DAGLB: variants seen among roughly 807,000 people sequenced by gnomAD.
DAGLB encodes the protein diacylglycerol lipase beta.
In DAGLB, 66 loss-of-function variants were observed where a neutral mutation model predicts 72.1. That is an observed-to-expected ratio of 0.92 (90% CI 0.75 to 1.12). DAGLB has a LOEUF of 1.12. DAGLB is among the 50% of genes most tolerant of loss of function. The pLI is 0.00. For synonymous variants in DAGLB, 414 were observed against 359.5 expected (o/e 1.15, Z -1.71); for missense variants, 1,065 against 884.9 (o/e 1.20, Z -2.58).
chr7:6,443,295 A>G (rs1198346886), intron 2 of DAGLB, among the ~76,000 whole-genome samples: 1 of 150,922 alleles, frequency 6.6e-6, no homozygotes, highest in Non-Finnish European at 1.5e-5. Context: ...TACTAAAAAT[A>G]CAAAAAAATT....
At chr7:6,438,079 C>T (rs1266871569) in intron 2 of DAGLB, among the ~76,000 whole-genome samples, 1 of 152,138 alleles carries the variant, frequency 6.6e-6, no homozygotes, top group Non-Finnish European at 1.5e-5. Context: ...TGGAAACCAT[C>T]ATTCTGAGCA....
At chr7:6,436,255 C>A in intron 3 of DAGLB, 107 bp downstream of exon 3, 1 of 1,384,824 alleles carries the variant, frequency 7.2e-7, no homozygotes, top group African/African-American at 1.4e-5. Flanking sequence ...CAATTTCTAA[C>A]TATTTGAGGA....
chr7:6,420,642 G>C (rs73676738), intron 9 of DAGLB, among the ~76,000 whole-genome samples: 1 of 152,074 alleles, frequency 6.6e-6, no homozygotes, highest in Non-Finnish European at 1.5e-5. Context: ...ACGGGTTCAC[G>C]GCACTGTGAA....
chr7:6,415,941 G>A (rs1054644459), intron 11 of DAGLB, among the ~76,000 whole-genome samples: 13 of 152,158 alleles, frequency 8.5e-5, no homozygotes, highest in African/African-American at 2.9e-4. Context: ...CCCCCCGAGA[G>A]GGCGGAGGGA....
chr7:6,412,230 T>C (rs1783752626), intron 13 of DAGLB, among the ~76,000 whole-genome samples: 2 of 152,180 alleles, frequency 1.3e-5, no homozygotes, highest in African/African-American at 4.8e-5. Flanking sequence ...CATAAATTTC[T>C]ACCACCATGT....
chr7:6,431,719 C>G (rs886881053), intron 5 of DAGLB, among the ~76,000 whole-genome samples: 1 of 152,048 alleles, frequency 6.6e-6, no homozygotes, highest in Non-Finnish European at 1.5e-5. Context: ...GTGCAGTGAG[C>G]CAAGATCATG....
Position 6,430,466 on chromosome 7 carries a change from C to T in DAGLB, c.929+14G>A. 2 of 1,501,698 alleles carry T rather than the reference C, an allele frequency of 1.3e-6. No individual in the cohort carries two copies. The highest frequency in any genetic ancestry group is 1.8e-6 in the Non-Finnish European group (2 of 1,116,456). The allele number at this position is 1,501,698 out of a possible 1,614,324, so 93.0% of individuals were successfully genotyped here. A position where few individuals can be genotyped will look rare whatever the true frequency, so the allele number is the denominator to read the frequency against. On this transcript the variant is annotated intron_variant, in intron 6 of 14. Coordinates refer to ENST00000297056, the MANE Select transcript of DAGLB (RefSeq NM_139179.4). ...GGAAATATGGCTATGGAGGCTCAGA[C>T]TGTGCCAACCCACCAGTCACCACCA...
intron 2 of DAGLB, among the ~76,000 whole-genome samples, chr7:6,443,792 G>A (rs1784910859): frequency 6.6e-6 from 1 of 152,106 alleles, no homozygotes; most frequent in Non-Finnish European, 1.5e-5. Context: ...ATGGTGGCAT[G>A]TCACACAGCC....
rs538484203 is a variant in DAGLB, at chr7:6,416,308, C to A, written c.1427+319G>T. 38 of 208,552 alleles carry A rather than the reference C, an allele frequency of 1.8e-4. No individual in the cohort carries two copies. The South Asian group carries it at 4.7e-3, about 26-fold the overall frequency. 12.9% of individuals were successfully genotyped at this position (208,552 alleles called of 1,614,324 possible). Reference sequence around the variant, plus strand: ...CCTGTAATCCCTGCACTTTGGGAGGCCGAGGCGGGCAGATCACTTGAGGTC... The same window carrying A: ...CCTGTAATCCCTGCACTTTGGGAGGACGAGGCGGGCAGATCACTTGAGGTC... On this transcript the variant is annotated intron_variant, in intron 11 of 14. Coordinates refer to ENST00000297056, the MANE Select transcript of DAGLB (RefSeq NM_139179.4).
At chr7:6,440,398 A>G (rs544444369) in intron 2 of DAGLB, among the ~76,000 whole-genome samples, 1 of 152,264 alleles carries the variant, frequency 6.6e-6, no homozygotes, top group East Asian at 1.9e-4. Context: ...AAAAAAAAAA[A>G]AAAGTTTTCC....
At chr7:6,425,320 G>A (rs768971137) in intron 7 of DAGLB, among the ~76,000 whole-genome samples, 6 of 152,078 alleles carry the variant, frequency 3.9e-5, no homozygotes, top group Non-Finnish European at 7.4e-5. Context: ...CACCTAGGCT[G>A]GAGTGCAATG....
At chr7:6,420,014 G>A (rs1784059541) in intron 9 of DAGLB, among the ~76,000 whole-genome samples, 1 of 152,220 alleles carries the variant, frequency 6.6e-6, no homozygotes, top group African/African-American at 2.4e-5. Flanking sequence ...AGGCATGGTG[G>A]CACACGCCTG....
At chr7:6,437,122 C>G (rs911632407) in intron 2 of DAGLB, among the ~76,000 whole-genome samples, 12 of 147,772 alleles carry the variant, frequency 8.1e-5, no homozygotes, top group Admixed American at 7.0e-4. Flanking sequence ...CCACTGCACT[C>G]TAGTCTGGGT....
Position 6,409,549 on chromosome 7 carries a change from C to A in DAGLB, c.*288G>T, listed in dbSNP as rs371655886. 7 of 474,962 alleles carry A rather than the reference C, an allele frequency of 1.5e-5. No individual in the cohort carries two copies. The highest frequency in any genetic ancestry group is 1.2e-4 in the African/African-American group (6 of 51,230). 29.4% of individuals were successfully genotyped at this position (474,962 alleles called of 1,614,324 possible). ...CCGCACTTCTGGAGCAGTCCTCAGA[C>A]AGCCAAGGGATCCATCCACGGGCCA... On this transcript the variant is annotated 3_prime_UTR_variant, in exon 15 of 15. Coordinates refer to ENST00000297056, the MANE Select transcript of DAGLB (RefSeq NM_139179.4).
At chr7:6,437,396 C>T (rs750068263) in intron 2 of DAGLB, among the ~76,000 whole-genome samples, 9 of 152,070 alleles carry the variant, frequency 5.9e-5, no homozygotes, top group Non-Finnish European at 1.3e-4. Context: ...TCTCATTTTA[C>T]GTATGAGCAA....
At chr7:6,423,304 G>A (rs575979434) in intron 8 of DAGLB, among the ~76,000 whole-genome samples, 9 of 152,258 alleles carry the variant, frequency 5.9e-5, no homozygotes, top group Admixed American at 2.6e-4. Flanking sequence ...CAAGGACGGA[G>A]ATGGGAAGCT....
Position 6,410,314 on chromosome 7 carries a change from C to A in DAGLB, c.1636G>T (p.Glu546Ter), listed in dbSNP as rs142949443. ...ACTTCCTGGTCGCCCCCGTCCAGCTCCGTGGGCAAGTTGTTGGGGTTTCCT... is the reference window on the plus strand; with the variant it reads ...ACTTCCTGGTCGCCCCCGTCCAGCTACGTGGGCAAGTTGTTGGGGTTTCCT... ...FGGNPNNLPT[E>*]LDGGDQEVLT... Residue 546 changes from glutamate to a stop codon, truncating the protein, a stop_gained, in exon 14 of 15, where the codon GAG becomes TAG. Transcript: ENST00000297056. LOFTEE classifies it high-confidence loss of function. The A allele has an allele frequency of 1.7e-5, 28 of 1,613,988 alleles. No homozygotes were observed. The highest frequency in any genetic ancestry group is 4.0e-5 in the African/African-American group (3 of 74,924).
At chr7:6,419,418 C>T (rs1276589477) in intron 9 of DAGLB, among the ~76,000 whole-genome samples, 1 of 152,288 alleles carries the variant, frequency 6.6e-6, no homozygotes, top group South Asian at 2.1e-4. Context: ...GCAGGCAGAG[C>T]CCAGCAGGAC....
intron 1 of DAGLB, among the ~76,000 whole-genome samples, chr7:6,446,798 CAA>C (rs1785021345): frequency 6.6e-6 from 1 of 152,060 alleles, no homozygotes; most frequent in Admixed American, 6.6e-5. Flanking sequence ...CACTTGAGCA[CAA>C]GAGTTGGACA....
Sources: allele counts gnomAD v4.1 joint callset (sites outside exome capture counted in the v4.1 genomes callset), GRCh38; gene constraint gnomAD v4.1.1; transcripts MANE v1.5; gene names NCBI Gene and HGNC (gene_info 2026-07-23, HGNC 2026-07-21).